The following NAA35 variants were observed in gnomAD, a reference collection of about 807,000 sequenced individuals.
NAA35 encodes the protein N-alpha-acetyltransferase 35, NatC auxiliary subunit.
NAA35 carries 18 observed loss-of-function variants against 101.7 expected under a neutral mutation model. That is an observed-to-expected ratio of 0.18 (90% CI 0.12 to 0.26). The LOEUF (loss-of-function observed/expected upper bound fraction) is 0.26, where lower values mean the gene tolerates loss of function less well. Among genes scored for constraint, NAA35 ranks in the 10% least tolerant of loss-of-function variants. NAA35 has a pLI of 1.00. For missense variants in NAA35, 601 were observed against 886.8 expected, an observed-to-expected ratio of 0.68 and a Z score of 4.09; for synonymous variants, 267 against 273.1, an observed-to-expected ratio of 0.98 and a Z score of 0.22.
intron 17 of NAA35, chr9:86,014,472 A>C (rs755422958): frequency 4.9e-6 from 2 of 407,458 alleles, no homozygotes; most frequent in Non-Finnish European, 6.6e-6. Context: ...AAAAGCTGTC[A>C]TAGAAAGAAA....
At chr9:85,952,473 C>T (rs375017064) in intron 2 of NAA35, among the ~76,000 whole-genome samples, 22 of 151,886 alleles carry the variant, frequency 1.4e-4, no homozygotes, top group Non-Finnish European at 2.6e-4. Context: ...TTAGTTGAGA[C>T]GGGGTTTCAC....
chr9:85,979,233 G>A (rs559111681), intron 11 of NAA35, among the ~76,000 whole-genome samples: 2 of 152,280 alleles, frequency 1.3e-5, no homozygotes, highest in African/African-American at 2.4e-5. Flanking sequence ...AACCTGACAC[G>A]TCCACCCTAC....
chr9:85,990,900 A>G (rs1017456468), intron 11 of NAA35, among the ~76,000 whole-genome samples: 2 of 152,172 alleles, frequency 1.3e-5, no homozygotes, highest in Non-Finnish European at 2.9e-5. Context: ...TCCATGTAGA[A>G]TGGTAGTGGA....
rs1020608757 is a variant in NAA35 at position 85,983,434 on chromosome 9, G to C, written c.877+5053G>C. ...GATAAAATGGCTTGGTTGAAAGCTTGACCTGTATTCACAGTGCTCTTAATG... is the reference window on the plus strand; with the variant it reads ...GATAAAATGGCTTGGTTGAAAGCTTCACCTGTATTCACAGTGCTCTTAATG... On this transcript the variant is annotated intron_variant, in intron 11 of 22. Transcript: ENST00000361671. 2.0e-5 allele frequency among the ~76,000 whole-genome samples: 3 copies of C among 152,078 alleles called. No homozygotes were observed. The South Asian group carries it at 6.2e-4, about 32-fold the overall frequency.
At position 85,962,190 on chromosome 9, in the gene NAA35, C is replaced by T. The variant is rs758133555; in HGVS notation, c.516+10C>T. On this transcript the variant is annotated intron_variant, in intron 6 of 22. Coordinates refer to ENST00000361671, the MANE Select transcript of NAA35 (RefSeq NM_024635.4). ...TGCTGTTTTTGAAGAGGTAAGATTTCGTAATGTAAGAAATCCTTGGCCAGG... is the reference window on the plus strand; with the variant it reads ...TGCTGTTTTTGAAGAGGTAAGATTTTGTAATGTAAGAAATCCTTGGCCAGG... The T allele has an allele frequency of 2.1e-5, 34 of 1,611,390 alleles. No homozygotes were observed. Among genetic ancestry groups the T allele is most frequent in the Middle Eastern group, 1.7e-4 (1 of 6,054 alleles).
intron 14 of NAA35, among the ~76,000 whole-genome samples, chr9:86,009,598 T>C (rs1190676839): frequency 6.6e-6 from 1 of 152,228 alleles, no homozygotes. Context: ...GACTTTTCCT[T>C]TTCTCTTTGC....
chr9:85,965,062 A>G (rs1829684377), intron 6 of NAA35, among the ~76,000 whole-genome samples: 1 of 152,144 alleles, frequency 6.6e-6, no homozygotes, highest in Admixed American at 6.5e-5. Context: ...TTGACATCCT[A>G]CTCTAAGCAA....
chr9:86,003,695 G>A (rs1463699785), intron 13 of NAA35, 51 bp downstream of exon 13: 1 of 1,088,668 alleles, frequency 9.2e-7, no homozygotes, highest in East Asian at 2.5e-5. Context: ...TATGTGTATT[G>A]ACATTGTTTT....
intron 2 of NAA35, among the ~76,000 whole-genome samples, chr9:85,946,763 G>C (rs1214682253): frequency 6.6e-6 from 1 of 151,694 alleles, no homozygotes; most frequent in East Asian, 1.9e-4. Context: ...GTGTGGCTCA[G>C]GGAAGCCAAA....
At chr9:86,000,077 T>C (rs1831353755) in intron 12 of NAA35, among the ~76,000 whole-genome samples, 1 of 152,188 alleles carries the variant, frequency 6.6e-6, no homozygotes, top group Non-Finnish European at 1.5e-5. Flanking sequence ...GGTCCTTCAA[T>C]ACCTAGTTTA....
At chr9:85,992,340 C>T (rs1830954792) in intron 11 of NAA35, among the ~76,000 whole-genome samples, 1 of 151,824 alleles carries the variant, frequency 6.6e-6, no homozygotes, top group African/African-American at 2.4e-5. Context: ...AAGATAAAGC[C>T]ATTATTCTAC....
In NAA35 at chr9:85,959,825, G is replaced by A; in HGVS notation, c.306G>A (p.Leu102=). The A allele has an allele frequency of 1.2e-6, 2 of 1,611,462 alleles. No individual in the cohort carries two copies. Among genetic ancestry groups the A allele is most frequent in the Non-Finnish European group, 1.7e-6 (2 of 1,179,004 alleles). The change falls in exon 5 of 23, where the codon TTG becomes TTA. Residue 102 remains leucine, a synonymous_variant. Coordinates refer to ENST00000361671, the MANE Select transcript of NAA35 (RefSeq NM_024635.4). ...DGTIKIKDLT[L]PELIGIMDTC... is the part of the protein sequence containing the mutation. ...CTATTAAAATTAAAGATCTCACCTT[G>A]CCTGAACTGATAGGGATTATGGATA...
intron 12 of NAA35, among the ~76,000 whole-genome samples, chr9:85,997,347 T>A (rs77382978): frequency 7.2e-6 from 1 of 139,746 alleles, no homozygotes; most frequent in Non-Finnish European, 1.5e-5. Context: ...ACTTGGATAA[T>A]TTTTTTTTTT....
At chr9:85,972,559 GAAAAAGAAAAA>G (rs1348526450) in intron 6 of NAA35, among the ~76,000 whole-genome samples, 1 of 142,000 alleles carries the variant, frequency 7.0e-6, no homozygotes, top group Non-Finnish European at 1.5e-5. Flanking sequence ...ATTTTATGTT[GAAAAAGAAAAA>G]CCTAAATTTT....
intron 21 of NAA35, among the ~76,000 whole-genome samples, chr9:86,019,070 A>G (rs1289078930): frequency 3.3e-5 from 5 of 152,204 alleles, no homozygotes; most frequent in Admixed American, 2.6e-4. Flanking sequence ...ACAAATTACA[A>G]CTCAAAATCA....
intron 11 of NAA35, among the ~76,000 whole-genome samples, chr9:85,984,379 C>CA (rs1314702556): frequency 2.0e-5 from 3 of 152,034 alleles, no homozygotes; most frequent in Admixed American, 6.6e-5. Context: ...TTCCTGGAGA[C>CA]AGATGATATG....
At chr9:85,979,158 A>C (rs1830333583) in intron 11 of NAA35, among the ~76,000 whole-genome samples, 1 of 152,174 alleles carries the variant, frequency 6.6e-6, no homozygotes, top group Non-Finnish European at 1.5e-5. Flanking sequence ...TTTCTGCAGA[A>C]AGGGTACACT....
At chr9:85,996,693 A>G in intron 12 of NAA35, 116 bp downstream of exon 12, 1 of 710,702 alleles carries the variant, frequency 1.4e-6, no homozygotes, top group South Asian at 2.2e-5. Flanking sequence ...TGATTGCTTT[A>G]TAGACATTGA....
chr9:86,014,455 G>T, intron 17 of NAA35: 1 of 584,836 alleles, frequency 1.7e-6, no homozygotes, highest in Non-Finnish European at 2.2e-6. Flanking sequence ...GCATATTTTA[G>T]GCATGTAAAA....
Sources: gnomAD v4.1 joint callset for allele counts (sites outside exome capture counted in the v4.1 genomes callset) on GRCh38, gnomAD v4.1.1 for gene constraint, MANE v1.5 for transcripts, NCBI Gene and HGNC (gene_info 2026-07-23, HGNC 2026-07-21) for gene names.